The following CCDC93 variants were observed in gnomAD, a reference collection of about 807,000 sequenced individuals.
The protein encoded by CCDC93 is CCC complex scaffolding subunit CCDC93, also known as coiled-coil domain-containing protein 93.
CCDC93 carries 61 observed loss-of-function variants against 108.2 expected under a neutral mutation model. The observed-to-expected ratio is 0.56, with a 90% CI of 0.46 to 0.70. The LOEUF (loss-of-function observed/expected upper bound fraction) is 0.70, where lower values mean the gene tolerates loss of function less well. CCDC93 is among the 30% of genes least tolerant of loss of function. CCDC93 has a pLI of 0.00. For missense variants in CCDC93, 685 were observed against 764.2 expected, an observed-to-expected ratio of 0.90 and a Z score of 1.22; for synonymous variants, 276 against 260.4, an observed-to-expected ratio of 1.06 and a Z score of -0.58.
At chr2:117,922,524 T>C (rs1677904537) in intron 23 of CCDC93, among the ~76,000 whole-genome samples, 1 of 152,160 alleles carries the variant, frequency 6.6e-6, no homozygotes, top group Non-Finnish European at 1.5e-5. Context: ...AATCTTAGTA[T>C]CATGACCTGA....
intron 23 of CCDC93, among the ~76,000 whole-genome samples, chr2:117,930,246 ACT>A (rs1156852712): frequency 3.3e-5 from 5 of 152,116 alleles, no homozygotes; most frequent in South Asian, 4.1e-4. Context: ...TCTACCTTTA[ACT>A]CTGCTGTATT....
At chr2:117,964,024 G>A (rs1257741589) in intron 11 of CCDC93, among the ~76,000 whole-genome samples, 2 of 152,206 alleles carry the variant, frequency 1.3e-5, no homozygotes, top group Admixed American at 1.3e-4. Flanking sequence ...TTACGTAAGA[G>A]TCGATCCGAA....
chr2:117,936,727 T>G lies in CCDC93; in HGVS notation c.1618A>C (p.Asn540His). The change falls in exon 21 of 24, where the codon AAC becomes CAC. Residue 540 changes from asparagine (N) to histidine (H), a missense_variant. Coordinates refer to ENST00000376300, the MANE Select transcript of CCDC93 (RefSeq NM_019044.5). ...TGTGAGAAGTTCTCATGAATTGAGT[T>G]CAGCAGACTAATCTGGGGAAGTAAA... The part of the protein sequence containing the change: ...VYLEKEISLL[N>H]SIHENFSQAM... 6.2e-7 allele frequency: 1 copy of G among 1,613,510 alleles called. No homozygotes were observed. The highest frequency in any genetic ancestry group is 8.5e-7 in the Non-Finnish European group (1 of 1,179,418).
chr2:117,935,848 T>C (rs936875931), intron 21 of CCDC93: 1 of 314,844 alleles, frequency 3.2e-6, no homozygotes, highest in Non-Finnish European at 5.8e-6. Flanking sequence ...CTAATATGTA[T>C]TTTCTTGCAG....
chr2:118,008,101 G>A (rs1223752694), intron 2 of CCDC93, among the ~76,000 whole-genome samples: 7 of 152,142 alleles, frequency 4.6e-5, no homozygotes, highest in Non-Finnish European at 8.8e-5. Context: ...ATCATTCAAG[G>A]TTCTGCTGAA....
chr2:117,964,181 T>G (rs545801588), intron 11 of CCDC93, among the ~76,000 whole-genome samples: 126 of 152,324 alleles, frequency 8.3e-4, no homozygotes, highest in African/African-American at 3.0e-3. Flanking sequence ...TAATCTTTAC[T>G]CAGATCTTAT....
chr2:117,922,711 G>T (rs573217082), intron 23 of CCDC93, among the ~76,000 whole-genome samples: 1 of 152,180 alleles, frequency 6.6e-6, no homozygotes, highest in Non-Finnish European at 1.5e-5. Flanking sequence ...AATTCAGAAC[G>T]CAGAAGTAGA....
intron 3 of CCDC93, among the ~76,000 whole-genome samples, chr2:118,005,147 G>A (rs963835208): frequency 6.6e-6 from 1 of 151,704 alleles, no homozygotes; most frequent in Non-Finnish European, 1.5e-5. Context: ...ACAAGGAATT[G>A]AGAAGACATA....
chr2:117,993,159 G>A (rs1680531104), intron 6 of CCDC93, among the ~76,000 whole-genome samples: 1 of 152,180 alleles, frequency 6.6e-6, no homozygotes, highest in Non-Finnish European at 1.5e-5. Context: ...CACTTTGGGA[G>A]GCCGAGGTGG....
chr2:117,930,440 A>C (rs1678287990), intron 23 of CCDC93, among the ~76,000 whole-genome samples: 2 of 152,138 alleles, frequency 1.3e-5, no homozygotes, highest in African/African-American at 4.8e-5. Context: ...CAGGAAGGAA[A>C]AACAGGGAAA....
chr2:117,946,748 C>CT, intron 16 of CCDC93, 63 bp downstream of exon 16: 1 of 1,207,828 alleles, frequency 8.3e-7, no homozygotes, highest in Non-Finnish European at 1.2e-6. Flanking sequence ...CTTTGGTCCT[C>CT]TAGAACTATC....
In CCDC93 at chr2:117,933,864, T is replaced by C. The variant is rs573518075; in HGVS notation, c.1728+1631A>G. Among the ~76,000 whole-genome samples, 10 of 152,216 alleles carry C rather than the reference T, an allele frequency of 6.6e-5. No homozygotes were observed. The East Asian group carries it at 1.9e-3, about 29-fold the overall frequency. ...TGAAAGAATTCACTCATTCAACAAATAGTCCTTGAGGGCCTAACCATGGGT... is the reference window on the plus strand; with the variant it reads ...TGAAAGAATTCACTCATTCAACAAACAGTCCTTGAGGGCCTAACCATGGGT... On this transcript the variant is annotated intron_variant, in intron 22 of 23. Coordinates refer to ENST00000376300, the MANE Select transcript of CCDC93 (RefSeq NM_019044.5).
At position 117,916,441 on chromosome 2, in the gene CCDC93, G is replaced by A. The variant is rs1677688464; in HGVS notation, c.*3902C>T. The stretch of plus-strand genomic sequence containing the variant: ...TTACAGTATAACATACTCTGAGAGA[G>A]ACCCTCTAAAGTTGTGAAAACTGTT... On this transcript the variant is annotated 3_prime_UTR_variant, in exon 24 of 24. Transcript: ENST00000376300. 1 of 152,168 alleles carries A rather than the reference G, an allele frequency of 6.6e-6. No homozygotes were observed. The highest frequency in any genetic ancestry group is 6.5e-5 in the Admixed American group (1 of 15,278). The allele number at this position is 152,168 out of a possible 1,614,324, so 9.4% of individuals were successfully genotyped here. A position where few individuals can be genotyped will look rare whatever the true frequency, so the allele number is the denominator to read the frequency against.
In CCDC93 at chr2:117,919,417, T is replaced by G. The variant is rs545349415; in HGVS notation, c.*926A>C. 1 of 152,362 alleles carries G rather than the reference T, an allele frequency of 6.6e-6. No homozygotes were observed. Among genetic ancestry groups the G allele is most frequent in the Admixed American group, 6.5e-5 (1 of 15,300 alleles). 9.4% of individuals were successfully genotyped at this position (152,362 alleles called of 1,614,324 possible). ...CTCCTCCAGGAAGTTTCCCTGGATC[T>G]CTGCAAACCCTACTGCTCTTCCTCC... On this transcript the variant is annotated 3_prime_UTR_variant, in exon 24 of 24. Transcript: ENST00000376300.
intron 23 of CCDC93, among the ~76,000 whole-genome samples, chr2:117,922,194 TA>T (rs1400560590): frequency 6.6e-6 from 1 of 152,186 alleles, no homozygotes; most frequent in African/African-American, 2.4e-5. Flanking sequence ...ATCAGAACTC[TA>T]CCGTGGGGAA....
At chr2:117,946,737 T>TC in intron 16 of CCDC93, 74 bp downstream of exon 16, 1 of 1,040,920 alleles carries the variant, frequency 9.6e-7, no homozygotes, top group Admixed American at 1.8e-5. Flanking sequence ...AGCGGTCTGC[T>TC]CTTTGGTCCT....
At chr2:118,004,795 A>T (rs1345826061) in intron 3 of CCDC93, among the ~76,000 whole-genome samples, 1 of 152,242 alleles carries the variant, frequency 6.6e-6, no homozygotes, top group East Asian at 1.9e-4. Flanking sequence ...CTTAAGAGAC[A>T]CACATCAAGC....
chr2:117,951,366 T>C, intron 13 of CCDC93: 1 of 985,376 alleles, frequency 1.0e-6, no homozygotes, highest in Non-Finnish European at 1.2e-6. Flanking sequence ...CTAATTGACA[T>C]TCATGTGCCT....
In CCDC93 at chr2:117,918,406, T is replaced by C. The variant is rs1323122947; in HGVS notation, c.*1937A>G. Reference sequence around the variant, plus strand: ...CCTATGAAATACAGCTCAAAATAAATGCCTGCACTTTCAAAAAGAATTACT... The same window carrying C: ...CCTATGAAATACAGCTCAAAATAAACGCCTGCACTTTCAAAAAGAATTACT... On this transcript the variant is annotated 3_prime_UTR_variant, in exon 24 of 24. Coordinates refer to ENST00000376300, the MANE Select transcript of CCDC93 (RefSeq NM_019044.5). The C allele has an allele frequency of 6.6e-6, 1 of 152,128 alleles. No homozygotes were observed. Among genetic ancestry groups the C allele is most frequent in the Non-Finnish European group, 1.5e-5 (1 of 68,016 alleles). 9.4% of individuals were successfully genotyped at this position (152,128 alleles called of 1,614,324 possible).
Sources: allele counts gnomAD v4.1 joint callset (sites outside exome capture counted in the v4.1 genomes callset), GRCh38; gene constraint gnomAD v4.1.1; transcripts MANE v1.5; gene names NCBI Gene and HGNC (gene_info 2026-07-23, HGNC 2026-07-21).